The following MAPK6 variants were observed in gnomAD, a reference collection of about 807,000 sequenced individuals.
MAPK6 encodes the protein ERK-3.
MAPK6 carries 19 observed loss-of-function variants against 59.3 expected under a neutral mutation model. The ratio of observed to expected loss-of-function variants is 0.32; its 90% confidence interval spans 0.22 to 0.47. The LOEUF is 0.47. Ranked by LOEUF, MAPK6 falls within the 20% of genes least tolerant of loss-of-function variation. The pLI is 1.00. For synonymous variants in MAPK6, 316 were observed against 290.3 expected, an observed-to-expected ratio of 1.09 and a Z score of -0.90; for missense variants, 724 against 847.9, an observed-to-expected ratio of 0.85 and a Z score of 1.81.
At chr15:52,062,647 C>G (rs1306943889) in intron 5 of MAPK6, among the ~76,000 whole-genome samples, 1 of 152,232 alleles carries the variant, frequency 6.6e-6, no homozygotes, top group Middle Eastern at 3.4e-3. Flanking sequence ...CTCTTGTAGT[C>G]CCAGCTACTC....
chr15:52,055,480 A>G (rs182960532), intron 3 of MAPK6, among the ~76,000 whole-genome samples: 1 of 152,330 alleles, frequency 6.6e-6, no homozygotes, highest in African/African-American at 2.4e-5. Flanking sequence ...GTGAGTCAGT[A>G]CCTACTGCTG....
chr15:52,023,121 A>AG (rs1334332028), intron 1 of MAPK6, among the ~76,000 whole-genome samples: 1 of 151,272 alleles, frequency 6.6e-6, no homozygotes, highest in African/African-American at 2.4e-5. Flanking sequence ...AAAAAAAAAA[A>AG]AAAAAAACCG....
At position 52,065,120 on chromosome 15, in the gene MAPK6, G is replaced by C; in HGVS notation, c.*120G>C. On this transcript the variant is annotated 3_prime_UTR_variant, in exon 6 of 6. Transcript: ENST00000261845. ...TGGTGTCATTTAGTAAGGATTTTAT[G>C]AGTTCTTGTTTTTTAAAATCCAGAC... 1.1e-6 allele frequency: 1 copy of C among 932,406 alleles called. No homozygotes were observed. The highest frequency in any genetic ancestry group is 2.7e-5 in the South Asian group (1 of 37,180). The allele number at this position is 932,406 out of a possible 1,614,324, so 57.8% of individuals were successfully genotyped here.
intron 2 of MAPK6, among the ~76,000 whole-genome samples, chr15:52,049,724 C>G (rs947935861): frequency 1.3e-5 from 2 of 151,388 alleles, no homozygotes; most frequent in South Asian, 2.1e-4. Flanking sequence ...GAGCGATTCT[C>G]CTGGCTCAGC....
At chr15:51,984,843 A>C (rs886533878) in intron 2 of MAPK6, among the ~76,000 whole-genome samples, 1 of 152,212 alleles carries the variant, frequency 6.6e-6, no homozygotes, top group African/African-American at 2.4e-5. Context: ...GGCAGGATGC[A>C]GCACAGCTCT....
At chr15:52,054,782 A>G (rs1317596613) in intron 3 of MAPK6, among the ~76,000 whole-genome samples, 7 of 151,880 alleles carry the variant, frequency 4.6e-5, no homozygotes, top group Non-Finnish European at 1.0e-4. Context: ...ACATACATAT[A>G]TATATAATTT....
rs1479238043 is a variant in MAPK6 at position 51,976,170 on chromosome 15, G to A, written c.-880+4264G>A. ...AGTCCCAGCTACTCGGGAGGCTGAG[G>A]CAGAAGAATCGCTTGAACCCGGGAG... On this transcript the variant is annotated intron_variant, in intron 1 of 7. Coordinates refer to the MAPK6 transcript ENST00000691380. Among the ~76,000 whole-genome samples, 4 of 150,740 alleles carry A rather than the reference G, an allele frequency of 2.7e-5. No homozygotes were observed. The South Asian group carries it at 8.4e-4, about 32-fold the overall frequency.
At chr15:52,036,969 C>A (rs530015538) in intron 1 of MAPK6, among the ~76,000 whole-genome samples, 1 of 151,904 alleles carries the variant, frequency 6.6e-6, no homozygotes, top group Non-Finnish European at 1.5e-5. Context: ...GAAGGATATT[C>A]CAAAAAAATA....
intron 1 of MAPK6, among the ~76,000 whole-genome samples, chr15:52,039,670 G>A (rs531687482): frequency 9.9e-5 from 15 of 151,598 alleles, no homozygotes; most frequent in African/African-American, 3.6e-4. Flanking sequence ...TGTGAGCCAC[G>A]ACACCTGGCT....
intron 1 of MAPK6, among the ~76,000 whole-genome samples, chr15:52,043,741 GATTT>G (rs2031503913): frequency 5.4e-5 from 3 of 55,622 alleles, no homozygotes; most frequent in African/African-American, 1.8e-4. Flanking sequence ...TAAGTTGTTT[GATTT>G]TTTTTTTTTT....
At chr15:51,997,168 G>T (rs112669677) in intron 2 of MAPK6, among the ~76,000 whole-genome samples, 1 of 151,674 alleles carries the variant, frequency 6.6e-6, no homozygotes, top group African/African-American at 2.4e-5. Flanking sequence ...TTTTAGTAGA[G>T]ACTGGGTTTC....
intron 2 of MAPK6, among the ~76,000 whole-genome samples, chr15:51,999,727 T>A (rs1333295589): frequency 6.6e-6 from 1 of 152,130 alleles, no homozygotes; most frequent in African/African-American, 2.4e-5. Flanking sequence ...CACTTCAACC[T>A]CCACCTCCTG....
rs767994752 is a variant in MAPK6, at chr15:52,046,293, C to T, written c.-168C>T. 10 of 584,198 alleles carry T rather than the reference C, an allele frequency of 1.7e-5. No individual in the cohort carries two copies. Among genetic ancestry groups the T allele is most frequent in the African/African-American group, 3.7e-5 (2 of 53,362 alleles). The allele number at this position is 584,198 out of a possible 1,614,324, so 36.2% of individuals were successfully genotyped here. ...TTGAGCTTTAAATCTAAGGGGAACT[C>T]GACAGGCCTGTTTGGCATATGCAAT... On this transcript the variant is annotated 5_prime_UTR_variant, in exon 2 of 6. Coordinates refer to ENST00000261845, the MANE Select transcript of MAPK6 (RefSeq NM_002748.4).
chr15:52,006,677 G>C (rs1226926872), intron 3 of MAPK6, among the ~76,000 whole-genome samples: 4 of 152,188 alleles, frequency 2.6e-5, no homozygotes, highest in Non-Finnish European at 4.4e-5. Context: ...TTGGTTGCCA[G>C]GGGCCAATCA....
chr15:51,992,608 C>G (rs968475130), intron 2 of MAPK6, among the ~76,000 whole-genome samples: 2 of 151,850 alleles, frequency 1.3e-5, no homozygotes, highest in African/African-American at 4.8e-5. Flanking sequence ...ACAGCCAAGC[C>G]GTCCCCCATT....
chr15:51,973,646 T>A (rs997960103), intron 1 of MAPK6, among the ~76,000 whole-genome samples: 1 of 151,840 alleles, frequency 6.6e-6, no homozygotes, highest in African/African-American at 2.4e-5. Context: ...TTTTTGTTTA[T>A]GTTTTGGCTA....
At position 52,064,000 on chromosome 15, in the gene MAPK6, C is replaced by CTGATGAAGAAGA. The variant is rs746991400; in HGVS notation, c.1167_1178dup (p.Glu392_Glu393insAspAspGluGlu). 2.5e-6 allele frequency: 4 copies of CTGATGAAGAAGA among 1,613,548 alleles called. No individual in the cohort carries two copies. In the African/African-American group the frequency reaches 5.3e-5, roughly 22 times the overall value. ...GATCCAAGAGCTCTGTCCGATGTCACTGATGAAGAAGAAGTACAAGTTGAT... is the reference window on the plus strand; with the variant it reads ...GATCCAAGAGCTCTGTCCGATGTCACTGATGAAGAAGATGATGAAGAAGAAGTACAAGTTGAT... On this transcript the variant is annotated inframe_insertion, in exon 6 of 6. Transcript: ENST00000261845.
At chr15:51,986,001 G>C (rs1364894833) in intron 2 of MAPK6, among the ~76,000 whole-genome samples, 1 of 152,042 alleles carries the variant, frequency 6.6e-6, no homozygotes. Context: ...GTATGTCACT[G>C]TATTAGTCTG....
chr15:52,022,026 G>T (rs1327773256), intron 1 of MAPK6, among the ~76,000 whole-genome samples: 2 of 152,104 alleles, frequency 1.3e-5, no homozygotes, highest in Admixed American at 6.5e-5. Context: ...GATTGAGAAT[G>T]GCAGTTTAAG....
Sources: gnomAD v4.1 joint callset for allele counts (sites outside exome capture counted in the v4.1 genomes callset) on GRCh38, gnomAD v4.1.1 for gene constraint, MANE v1.5 for transcripts, NCBI Gene and HGNC (gene_info 2026-07-23, HGNC 2026-07-21) for gene names.